The following ATP10B variants were observed in gnomAD, a reference collection of about 807,000 sequenced individuals.
The protein encoded by ATP10B is ATPase phospholipid transporting 10B (putative), also known as phospholipid-transporting ATPase VB.
In ATP10B, 122 loss-of-function variants were observed where a neutral mutation model predicts 141.2. That is an observed-to-expected ratio of 0.86 (90% CI 0.75 to 1.00). The LOEUF is 1.00. ATP10B is among the 50% of genes least tolerant of loss of function. ATP10B has a pLI of 0.00. For missense variants in ATP10B, 1,876 were observed against 1,825.3 expected (o/e 1.03, Z -0.51); for synonymous variants, 685 against 692.0 (o/e 0.99, Z 0.16).
rs2127674624 is a variant in ATP10B at position 160,640,607 on chromosome 5, G to C, written c.869-15C>G. The stretch of plus-strand genomic sequence containing the variant: ...CGTCTCATGGCCTTTGAGAGAAAAT[G>C]AGGAAATCAGTCCCTTAGTTCCTGT... On this transcript the variant is annotated splice_polypyrimidine_tract_variant and intron_variant, in intron 9 of 25. Coordinates refer to ENST00000327245, the MANE Select transcript of ATP10B (RefSeq NM_025153.3). 1 of 1,613,708 alleles carries C rather than the reference G, an allele frequency of 6.2e-7. No individual in the cohort carries two copies. Among genetic ancestry groups the C allele is most frequent in the East Asian group, 2.2e-5 (1 of 44,878 alleles).
At chr5:160,822,253 T>C (rs1774165095) in intron 1 of ATP10B, among the ~76,000 whole-genome samples, 1 of 152,098 alleles carries the variant, frequency 6.6e-6, no homozygotes, top group Non-Finnish European at 1.5e-5. Flanking sequence ...CAAACAGGTA[T>C]ATGAAAAGGT....
At chr5:160,595,217 A>G (rs1756592085) in intron 22 of ATP10B, among the ~76,000 whole-genome samples, 1 of 152,230 alleles carries the variant, frequency 6.6e-6, no homozygotes, top group African/African-American at 2.4e-5. Flanking sequence ...CAATCAAACT[A>G]GAACTCAGGA....
intron 1 of ATP10B, among the ~76,000 whole-genome samples, chr5:160,789,158 T>C (rs2127902785): frequency 6.6e-6 from 1 of 152,274 alleles, no homozygotes. Flanking sequence ...GCCAATTGAT[T>C]CAAGTAGAGG....
At position 160,598,829 on chromosome 5, in the gene ATP10B, T is replaced by C. The variant is rs538813679; in HGVS notation, c.3505A>G (p.Ile1169Val). The C allele has an allele frequency of 1.2e-5, 19 of 1,614,074 alleles. No individual in the cohort carries two copies. The highest frequency in any genetic ancestry group is 5.0e-5 in the Admixed American group (3 of 60,008). The change falls in exon 22 of 26, where the codon ATC becomes GTC. Residue 1169 changes from isoleucine to valine, a missense_variant. Coordinates refer to ENST00000327245, the MANE Select transcript of ATP10B (RefSeq NM_025153.3). ...AATGCCAGGAGTGTTTCTGCAGAGATGTCTTTGTCAAGGACTCCAAAGACA... is the reference window on the plus strand; with the variant it reads ...AATGCCAGGAGTGTTTCTGCAGAGACGTCTTTGTCAAGGACTCCAAAGACA... ...PLVFGVLDKD[I>V]SAETLLALPE...
At chr5:160,805,653 T>C (rs1772718636) in intron 1 of ATP10B, among the ~76,000 whole-genome samples, 4 of 151,892 alleles carry the variant, frequency 2.6e-5, no homozygotes, top group Admixed American at 6.6e-5. Context: ...TACAGTGAAA[T>C]GTGAGGCACT....
At chr5:160,751,144 G>T (rs1293252074) in intron 2 of ATP10B, among the ~76,000 whole-genome samples, 1 of 152,154 alleles carries the variant, frequency 6.6e-6, no homozygotes, top group Non-Finnish European at 1.5e-5. Context: ...GCATTATTAA[G>T]CACAGCACCA....
the ATP10B span, among the ~76,000 whole-genome samples, chr5:160,889,946 T>G: frequency 3.3e-5 from 5 of 152,180 alleles, no homozygotes; most frequent in Admixed American, 6.5e-5. Context: ...TCCTTCTACA[T>G]AGAATCTTGA....
chr5:160,708,786 G>T (rs1419902496), intron 3 of ATP10B, among the ~76,000 whole-genome samples: 24 of 152,330 alleles, frequency 1.6e-4, no homozygotes, highest in South Asian at 6.2e-4. Context: ...TGATGGAAGA[G>T]CTGTCTGTCT....
chr5:160,912,403 CCT>C, the ATP10B span, among the ~76,000 whole-genome samples: 1 of 137,486 alleles, frequency 7.3e-6, no homozygotes, highest in Non-Finnish European at 1.5e-5. Context: ...ATCGTGAAAC[CCT>C]GTTTCTACCA....
rs79033686 is a variant in ATP10B at position 160,698,475 on chromosome 5, A to T, written c.-204-9532T>A. Among the ~76,000 whole-genome samples, 73 of 152,296 alleles carry T rather than the reference A, an allele frequency of 4.8e-4. 2 individuals are homozygous for T. The East Asian group carries it at 0.013, about 28-fold the overall frequency. ...GGATTTGCAATTATATATTTTCTCG[A>T]TTAATTAATACCAGAATTATAGCTA... On this transcript the variant is annotated intron_variant, in intron 3 of 25. Transcript: ENST00000327245.
chr5:160,755,371 T>A (rs1380731663), intron 2 of ATP10B, among the ~76,000 whole-genome samples: 1 of 152,036 alleles, frequency 6.6e-6, no homozygotes, highest in Admixed American at 6.5e-5. Context: ...CCAAACAATA[T>A]CAGTGTCATT....
intron 3 of ATP10B, chr5:160,692,580 A>C (rs1341520065): frequency 1.3e-5 from 2 of 152,192 alleles, no homozygotes; most frequent in African/African-American, 4.8e-5. Flanking sequence ...TGAGTTTCTG[A>C]TGTTAGAATC....
intron 1 of ATP10B, among the ~76,000 whole-genome samples, chr5:160,792,711 A>G (rs764604792): frequency 2.0e-5 from 3 of 152,052 alleles, no homozygotes; most frequent in African/African-American, 4.8e-5. Context: ...GGATGTGAGG[A>G]TACACACACT....
intron 1 of ATP10B, among the ~76,000 whole-genome samples, chr5:160,845,773 G>T (rs771300700): frequency 6.6e-6 from 1 of 151,790 alleles, no homozygotes; most frequent in Non-Finnish European, 1.5e-5. Context: ...CTATGAGGAC[G>T]GTCACCATGT....
At chr5:160,671,462 C>T (rs1432492374) in intron 6 of ATP10B, among the ~76,000 whole-genome samples, 2 of 152,002 alleles carry the variant, frequency 1.3e-5, no homozygotes, top group Admixed American at 6.6e-5. Flanking sequence ...ATAGGAAAGG[C>T]GAGGATCTCT....
chr5:160,592,827 G>C (rs1368068782), intron 22 of ATP10B, among the ~76,000 whole-genome samples: 1 of 152,238 alleles, frequency 6.6e-6, no homozygotes. Flanking sequence ...ACAGCAGTCT[G>C]AGATCAAACT....
Position 160,607,042 on chromosome 5 carries a change from C to T in ATP10B, c.2883G>A (p.Lys961=). The part of the protein sequence containing the change: ...SILNCALEEL[K]QFRELQKPDR... ...CTGGCTTCTGTAGTTCACGAAATTG[C>T]TTTAGCTCTTCCAATGCACAATTGA... Residue 961 remains lysine, a synonymous_variant, in exon 19 of 26, where the codon AAG becomes AAA. Coordinates refer to ENST00000327245, the MANE Select transcript of ATP10B (RefSeq NM_025153.3). 6.2e-7 allele frequency: 1 copy of T among 1,614,108 alleles called. No homozygotes were observed. The highest frequency in any genetic ancestry group is 8.5e-7 in the Non-Finnish European group (1 of 1,179,986).
At chr5:160,723,816 C>A (rs1374218373) in intron 2 of ATP10B, among the ~76,000 whole-genome samples, 4 of 152,072 alleles carry the variant, frequency 2.6e-5, no homozygotes, top group Non-Finnish European at 5.9e-5. Flanking sequence ...TGAGTCTGTG[C>A]TTAAAAAAGC....
At chr5:160,873,664 T>A in the ATP10B span, among the ~76,000 whole-genome samples, 1 of 152,114 alleles carries the variant, frequency 6.6e-6, no homozygotes, top group South Asian at 2.1e-4. Flanking sequence ...TGGACGCAGG[T>A]CAGTGGGTGC....
Sources: gnomAD v4.1 joint callset for allele counts (sites outside exome capture counted in the v4.1 genomes callset) on GRCh38, gnomAD v4.1.1 for gene constraint, MANE v1.5 for transcripts, NCBI Gene and HGNC (gene_info 2026-07-23, HGNC 2026-07-21) for gene names.